EML6: variants seen among roughly 807,000 people sequenced by gnomAD.
EML6 encodes the protein EMAP like 6.
In EML6, 154 loss-of-function variants were observed where a neutral mutation model predicts 240.1. The ratio of observed to expected loss-of-function variants is 0.64; its 90% CI spans 0.56 to 0.73. The LOEUF (loss-of-function observed/expected upper bound fraction) is 0.73. EML6 is among the 30% of genes least tolerant of loss of function. EML6 has a pLI of 0.00. For missense variants in EML6, 2,964 were observed against 2,474.6 expected, an observed-to-expected ratio of 1.20 and a Z score of -4.20; for synonymous variants, 1,148 against 899.0, an observed-to-expected ratio of 1.28 and a Z score of -4.95.
rs1337676985 is a variant in EML6 at position 54,767,687 on chromosome 2, A to AT, written c.197+42435dup. Among the ~76,000 whole-genome samples, 4 of 149,508 alleles carry AT rather than the reference A, an allele frequency of 2.7e-5. No homozygotes were observed. The East Asian group carries it at 8.0e-4, about 30-fold the overall frequency. Reference sequence around the variant, plus strand: ...GGAAGAAGTACTTTCTTTATTTTTTATTTTTTGTAGAGACGGGGTCTCATT... The same window carrying AT: ...GGAAGAAGTACTTTCTTTATTTTTTATTTTTTTGTAGAGACGGGGTCTCATT... On this transcript the variant is annotated intron_variant, in intron 2 of 41. Transcript: ENST00000356458.
chr2:54,845,840 C>G lies in EML6; in HGVS notation c.1049+1592C>G, dbSNP rs143132046. Among the ~76,000 whole-genome samples, 729 of 152,288 alleles carry G rather than the reference C, an allele frequency of 4.8e-3. 2 individuals are homozygous for G. Among genetic ancestry groups the G allele is most frequent in the Middle Eastern group, 0.014 (4 of 294 alleles). ...GCAGAATGCTTTGAGAGAAACCGTG[C>G]TGCATGTGACTTATTCTTGTCTGTC... On this transcript the variant is annotated intron_variant, in intron 8 of 41. Coordinates refer to ENST00000356458, the MANE Select transcript of EML6 (RefSeq NM_001039753.4).
At chr2:54,847,401 T>C in intron 8 of EML6, 85 bp from the exon 9 acceptor site, 1 of 1,392,126 alleles carries the variant, frequency 7.2e-7, no homozygotes. Flanking sequence ...ACTGTTGGTG[T>C]GGTGAGCAGC....
chr2:54,727,191 G>A (rs1427637696), intron 2 of EML6, among the ~76,000 whole-genome samples: 1 of 150,820 alleles, frequency 6.6e-6, no homozygotes, highest in Non-Finnish European at 1.5e-5. Context: ...GGGAAAAAGA[G>A]ACAGTTAGCA....
At chr2:54,894,035 G>C (rs920241904) in intron 19 of EML6, among the ~76,000 whole-genome samples, 1 of 151,972 alleles carries the variant, frequency 6.6e-6, no homozygotes, top group African/African-American at 2.4e-5. Context: ...ATAATATATT[G>C]CATTTTAATT....
intron 4 of EML6, among the ~76,000 whole-genome samples, chr2:54,819,432 C>T (rs544630463): frequency 5.9e-5 from 9 of 152,092 alleles, no homozygotes; most frequent in Non-Finnish European, 8.8e-5. Context: ...TCCTTCTTGT[C>T]TCTGGATTGG....
intron 2 of EML6, among the ~76,000 whole-genome samples, chr2:54,796,080 TAAC>T (rs1260011718): frequency 6.6e-6 from 1 of 152,088 alleles, no homozygotes; most frequent in East Asian, 1.9e-4. Context: ...AGAAAAATTA[TAAC>T]AAGGATTTCA....
intron 2 of EML6, among the ~76,000 whole-genome samples, chr2:54,761,132 A>G (rs920637701): frequency 6.6e-6 from 1 of 152,080 alleles, no homozygotes; most frequent in Admixed American, 6.6e-5. Flanking sequence ...AACTCTCATC[A>G]TTGTTGAGAA....
intron 10 of EML6, 37 bp from the exon 11 acceptor site, chr2:54,853,606 T>G: frequency 7.9e-7 from 1 of 1,259,054 alleles, no homozygotes. Context: ...GAATAAACTT[T>G]TTATTTAAAT....
At chr2:54,801,950 C>T (rs959278045) in intron 2 of EML6, among the ~76,000 whole-genome samples, 4 of 152,128 alleles carry the variant, frequency 2.6e-5, no homozygotes, top group Non-Finnish European at 4.4e-5. Context: ...CTGGAGAGTT[C>T]GTGACAGGAA....
In EML6 at chr2:54,911,019, C is replaced by T. The variant is rs1031492352; in HGVS notation, c.3475C>T (p.Arg1159Trp). 77 of 1,533,716 alleles carry T rather than the reference C, an allele frequency of 5.0e-5. No homozygotes were observed. Among genetic ancestry groups the T allele is most frequent in the African/African-American group, 1.5e-4 (11 of 72,890 alleles). ...TTTTTTTGAAGCTCCAAGAGGCAAA[C>T]GGCATATAATAAGACCTTCAGAGGT... ...QLFFEAPRGK[R>W]HIIRPSEIEK... Residue 1159 changes from arginine (R) to tryptophan (W), a missense_variant, in exon 25 of 42, where the codon CGG (arginine) becomes TGG (tryptophan). Physicochemically the swap from Arg to Trp is moderately radical, Grantham distance 101 (BLOSUM62 -3). Transcript: ENST00000356458.
chr2:54,947,033 A>G (rs1403840185), intron 28 of EML6, among the ~76,000 whole-genome samples: 1 of 152,006 alleles, frequency 6.6e-6, no homozygotes, highest in African/African-American at 2.4e-5. Flanking sequence ...ACTGTATAAT[A>G]TATTACATAT....
At chr2:54,747,568 AATTAGTATGC>A (rs1282305960) in intron 2 of EML6, 3 of 152,226 alleles carry the variant, frequency 2.0e-5, no homozygotes, top group Non-Finnish European at 2.9e-5. Context: ...GCTAGGAGAA[AATTAGTATGC>A]ATGTCTGAAA....
At chr2:54,964,257 T>G (rs1230841839) in intron 37 of EML6, 99 bp downstream of exon 37, 5 of 1,243,282 alleles carry the variant, frequency 4.0e-6, no homozygotes, top group East Asian at 5.1e-5. Flanking sequence ...AACTCAGTTG[T>G]GAGAGGGTCA....
At chr2:54,805,056 A>G (rs1319047097) in intron 2 of EML6, among the ~76,000 whole-genome samples, 2 of 152,224 alleles carry the variant, frequency 1.3e-5, no homozygotes, top group African/African-American at 2.4e-5. Flanking sequence ...TGTTGAAGGT[A>G]TTAGTGACTT....
At chr2:54,941,767 G>A (rs1054562923) in intron 28 of EML6, among the ~76,000 whole-genome samples, 2 of 152,252 alleles carry the variant, frequency 1.3e-5, no homozygotes, top group African/African-American at 4.8e-5. Flanking sequence ...CACACGCGTA[G>A]TGCACGCAGG....
intron 2 of EML6, among the ~76,000 whole-genome samples, chr2:54,790,493 C>T (rs1286232560): frequency 1.3e-5 from 2 of 152,114 alleles, no homozygotes; most frequent in East Asian, 3.9e-4. Flanking sequence ...TCTGTGTGTA[C>T]AACACCATAC....
At chr2:54,843,716 A>T (rs1326558008) in intron 7 of EML6, among the ~76,000 whole-genome samples, 1 of 151,856 alleles carries the variant, frequency 6.6e-6, no homozygotes, top group Non-Finnish European at 1.5e-5. Context: ...GGTGGTGGGC[A>T]TCTGTAGTCC....
chr2:54,859,804 G>A, intron 12 of EML6, 103 bp downstream of exon 12: 2 of 923,946 alleles, frequency 2.2e-6, no homozygotes, highest in Non-Finnish European at 3.0e-6. Context: ...AGCAATTTTG[G>A]AAAATTGATT....
chr2:54,908,803 A>C (rs1573120711), intron 24 of EML6, among the ~76,000 whole-genome samples: 1 of 152,130 alleles, frequency 6.6e-6, no homozygotes, highest in Non-Finnish European at 1.5e-5. Flanking sequence ...ATTCCAGTTT[A>C]CCAAGAGAGA....
Sources: allele counts gnomAD v4.1 joint callset (sites outside exome capture counted in the v4.1 genomes callset), GRCh38; gene constraint gnomAD v4.1.1; transcripts MANE v1.5; gene names NCBI Gene and HGNC (gene_info 2026-07-23, HGNC 2026-07-21).